The following PLCH1 variants were observed in gnomAD, a reference collection of about 807,000 sequenced individuals.
PLCH1 encodes the protein phospholipase C eta 1.
In PLCH1, 60 loss-of-function variants were observed where a neutral mutation model predicts 126.7. The observed-to-expected ratio is 0.47, with a 90% CI of 0.38 to 0.59. PLCH1 has a LOEUF of 0.59. PLCH1 is among the 20% of genes least tolerant of loss of function. The pLI is 0.00. For synonymous variants in PLCH1, 719 were observed against 734.9 expected, an observed-to-expected ratio of 0.98 and a Z score of 0.35; for missense variants, 1,723 against 2,040.0, an observed-to-expected ratio of 0.84 and a Z score of 2.99.
intron 2 of PLCH1, among the ~76,000 whole-genome samples, chr3:155,647,526 A>G (rs1459546982): frequency 6.6e-6 from 1 of 152,064 alleles, no homozygotes; most frequent in Non-Finnish European, 1.5e-5. Flanking sequence ...GCCAAGTTAG[A>G]TCAGACAGAA....
Position 155,482,958 on chromosome 3 carries a change from G to A in PLCH1, c.3068C>T (p.Ala1023Val), listed in dbSNP as rs747805220. 54 of 1,613,900 alleles carry A rather than the reference G, an allele frequency of 3.3e-5. No homozygotes were observed. Among genetic ancestry groups the A allele is most frequent in the Non-Finnish European group, 4.3e-5 (51 of 1,179,888 alleles). ...FNKKLSSSSS[A>V]LLHKDTSQGD... Reference sequence around the variant, plus strand: ...TTGGCTGGTATCTTTGTGGAGCAGAGCACTGGAGGAGGATGATAACTTTTT... The same window carrying A: ...TTGGCTGGTATCTTTGTGGAGCAGAACACTGGAGGAGGATGATAACTTTTT... Residue 1023 changes from alanine (A) to valine (V), a missense_variant, in exon 23 of 23, where the codon GCT (alanine) becomes GTT (valine). By Grantham distance (64) the Ala-to-Val change is moderately conservative. Transcript: ENST00000460012.
intron 12 of PLCH1, among the ~76,000 whole-genome samples, chr3:155,512,362 T>G (rs1719696797): frequency 6.6e-6 from 1 of 152,168 alleles, no homozygotes; most frequent in Non-Finnish European, 1.5e-5. Flanking sequence ...ACAAGAGAGA[T>G]GCAGACTCTC....
chr3:155,612,727 G>T (rs1053172521), intron 2 of PLCH1, among the ~76,000 whole-genome samples: 1 of 151,856 alleles, frequency 6.6e-6, no homozygotes, highest in Non-Finnish European at 1.5e-5. Context: ...TGACTAACAT[G>T]GAGCAAACCC....
chr3:155,509,135 T>C (rs1191830199), intron 12 of PLCH1, among the ~76,000 whole-genome samples: 1 of 141,526 alleles, frequency 7.1e-6, no homozygotes, highest in Non-Finnish European at 1.5e-5. Context: ...TTCTAGTTTA[T>C]TTGCGTAGAG....
intron 2 of PLCH1, among the ~76,000 whole-genome samples, chr3:155,681,864 T>G (rs1478635134): frequency 1.3e-5 from 2 of 151,966 alleles, no homozygotes; most frequent in African/African-American, 4.8e-5. Context: ...ATAGGGGGGT[T>G]TTTTACTACC....
Position 155,508,932 on chromosome 3 carries a change from C to T in PLCH1, c.1633-4306G>A, listed in dbSNP as rs1299293145. ...TGGAATAGTTTCAGAAGGAATGGTA[C>T]CAGTTCCTCCTTGTACCTCTGGTAG... On this transcript the variant is annotated intron_variant, in intron 12 of 22. Coordinates refer to ENST00000460012, the MANE Select transcript of PLCH1 (RefSeq NM_014996.4). Among the ~76,000 whole-genome samples, 32 of 96,512 alleles carry T rather than the reference C, an allele frequency of 3.3e-4. 2 individuals carry two copies. The highest frequency in any genetic ancestry group is 1.7e-3 in the African/African-American group (29 of 17,284). 63.3% of individuals were successfully genotyped at this position (96,512 alleles called of 152,430 possible).
At chr3:155,512,758 T>G (rs1719766867) in intron 12 of PLCH1, among the ~76,000 whole-genome samples, 1 of 152,186 alleles carries the variant, frequency 6.6e-6, no homozygotes, top group South Asian at 2.1e-4. Context: ...ATCTCTGAAT[T>G]TGAGCTTTAT....
rs1190799124 is a variant in PLCH1 at position 155,594,176 on chromosome 3, C to T, written c.235G>A (p.Asp79Asn). 1.2e-6 allele frequency: 2 copies of T among 1,613,480 alleles called. No individual in the cohort carries two copies. Among genetic ancestry groups the T allele is most frequent in the Admixed American group, 3.3e-5 (2 of 60,014 alleles). Residue 79 changes from aspartate to asparagine, a missense_variant, in exon 4 of 23, where the codon GAT (aspartate) becomes AAT (asparagine). Physicochemically the swap from Asp to Asn is conservative, Grantham distance 23. Coordinates refer to ENST00000460012, the MANE Select transcript of PLCH1 (RefSeq NM_014996.4). ...RKSEKAKILIDSIYKVTEGRQ... is the reference protein window; with the variant it reads ...RKSEKAKILINSIYKVTEGRQ... Reference sequence around the variant, plus strand: ...CCCTCAGTCACTTTGTAAATGGAATCAATAAGTACTGTGAGGAAAATGAGA... The same window carrying T: ...CCCTCAGTCACTTTGTAAATGGAATTAATAAGTACTGTGAGGAAAATGAGA...
At chr3:155,635,568 A>G (rs1365502756) in intron 2 of PLCH1, among the ~76,000 whole-genome samples, 1 of 152,236 alleles carries the variant, frequency 6.6e-6, no homozygotes, top group African/African-American at 2.4e-5. Context: ...GGCAGTCTTT[A>G]CAGCTGCAGT....
chr3:155,743,182 CG>C (rs1559978127), intron 1 of PLCH1: 2 of 431,234 alleles, frequency 4.6e-6, no homozygotes, highest in South Asian at 3.3e-5. Flanking sequence ...TGTAAACAAA[CG>C]GATTTTAAAA....
intron 2 of PLCH1, among the ~76,000 whole-genome samples, chr3:155,659,299 C>CTTTTTTTTTTTTTTTTT (rs1559906914): frequency 1.8e-5 from 1 of 55,448 alleles, no homozygotes; most frequent in African/African-American, 6.1e-5. Context: ...TGTCTATTCA[C>CTTTTTTTTTTTTTTTTT]TTCTTTTTTT....
chr3:155,555,054 CT>C (rs1473969501), intron 8 of PLCH1, among the ~76,000 whole-genome samples: 2 of 152,252 alleles, frequency 1.3e-5, no homozygotes, highest in East Asian at 3.8e-4. Flanking sequence ...CAAAACACTA[CT>C]TTCACCTCAT....
chr3:155,706,339 A>G (rs904874579), intron 1 of PLCH1, among the ~76,000 whole-genome samples: 3 of 147,338 alleles, frequency 2.0e-5, no homozygotes, highest in South Asian at 2.2e-4. Flanking sequence ...ACAAAAAATT[A>G]GGCCAGGTGC....
At chr3:155,619,498 T>TAAAAAAAAAAAAAAAAAAGA (rs1553857946) in intron 2 of PLCH1, among the ~76,000 whole-genome samples, 1 of 133,514 alleles carries the variant, frequency 7.5e-6, no homozygotes, top group African/African-American at 2.6e-5. Flanking sequence ...ACAGAAAAAG[T>TAAAAAAAAAAAAAAAAAAGA]AAAAAAAAAA....
chr3:155,520,042 C>T (rs1305144228), intron 11 of PLCH1, among the ~76,000 whole-genome samples: 4 of 152,150 alleles, frequency 2.6e-5, no homozygotes, highest in African/African-American at 9.7e-5. Flanking sequence ...ACAACATATT[C>T]TTCTGTTCAA....
At chr3:155,744,267 C>G (rs945194904) in intron 1 of PLCH1, among the ~76,000 whole-genome samples, 2 of 152,142 alleles carry the variant, frequency 1.3e-5, no homozygotes, top group African/African-American at 4.8e-5. Flanking sequence ...CACCACCCCG[C>G]GCCGCTCGGG....
Position 155,730,392 on chromosome 3 carries a change from A to G in PLCH1, c.-41+14448T>C, listed in dbSNP as rs1420891058. Among the ~76,000 whole-genome samples, 3 of 151,726 alleles carry G rather than the reference A, an allele frequency of 2.0e-5. No homozygotes were observed. The South Asian group carries it at 6.2e-4, about 32-fold the overall frequency. ...CGCCTCCTGGGTTTAAGTGATTCTC[A>G]TGTCTCAGCCTCCCAAGTAGCTGGG... is the stretch of plus-strand genomic sequence containing the variant. On this transcript the variant is annotated intron_variant, in intron 1 of 22. Coordinates refer to ENST00000460012, the MANE Select transcript of PLCH1 (RefSeq NM_014996.4).
chr3:155,494,026 T>A (rs1260229956), intron 17 of PLCH1, 115 bp downstream of exon 17: 2 of 738,702 alleles, frequency 2.7e-6, no homozygotes, highest in Non-Finnish European at 4.5e-6. Context: ...AAAAAAAAAG[T>A]TGAAAAACTC....
chr3:155,563,804 G>C (rs146126703), intron 8 of PLCH1, among the ~76,000 whole-genome samples: 4 of 152,120 alleles, frequency 2.6e-5, no homozygotes, highest in South Asian at 2.1e-4. Context: ...CTTTACAGCT[G>C]ACCCTCAGCT....
Sources: allele counts gnomAD v4.1 joint callset (sites outside exome capture counted in the v4.1 genomes callset), GRCh38; gene constraint gnomAD v4.1.1; transcripts MANE v1.5; gene names NCBI Gene and HGNC (gene_info 2026-07-23, HGNC 2026-07-21).